The following GNAO1 variants were observed in gnomAD, a reference collection of about 807,000 sequenced individuals.
The protein encoded by GNAO1 is G protein subunit alpha o1.
For missense variants in GNAO1, 166 were observed against 478.7 expected, an observed-to-expected ratio of 0.35 and a Z score of 6.10; for synonymous variants, 164 against 180.7, an observed-to-expected ratio of 0.91 and a Z score of 0.74.
At chr16:56,285,736 A>G (rs1381663439) in intron 3 of GNAO1, among the ~76,000 whole-genome samples, 1 of 152,202 alleles carries the variant, frequency 6.6e-6, no homozygotes, top group Non-Finnish European at 1.5e-5. Context: ...GTGCTCCCTA[A>G]AAAGACAATT....
At chr16:56,290,401 T>C (rs1365935056) in intron 3 of GNAO1, among the ~76,000 whole-genome samples, 1 of 152,220 alleles carries the variant, frequency 6.6e-6, no homozygotes, top group East Asian at 1.9e-4. Flanking sequence ...GTGGGTGCTC[T>C]ATTGAAGTCT....
chr16:56,216,552 A>G (rs1275761448), intron 2 of GNAO1, among the ~76,000 whole-genome samples: 1 of 152,202 alleles, frequency 6.6e-6, no homozygotes, highest in Non-Finnish European at 1.5e-5. Context: ...GCCATTGTGA[A>G]TCATTAAGTG....
At chr16:56,243,228 G>A (rs746280977) in intron 2 of GNAO1, among the ~76,000 whole-genome samples, 2 of 152,030 alleles carry the variant, frequency 1.3e-5, no homozygotes, top group Non-Finnish European at 2.9e-5. Flanking sequence ...TAGAAATAAA[G>A]TACACAATAA....
intron 2 of GNAO1, among the ~76,000 whole-genome samples, chr16:56,247,213 C>G (rs557232290): frequency 6.6e-6 from 1 of 152,226 alleles, no homozygotes; most frequent in African/African-American, 2.4e-5. Flanking sequence ...AACAGAACTG[C>G]GCTAGCCTGT....
intron 2 of GNAO1, among the ~76,000 whole-genome samples, chr16:56,217,631 G>GT (rs2036447762): frequency 6.6e-6 from 1 of 152,170 alleles, no homozygotes; most frequent in African/African-American, 2.4e-5. Context: ...GGGCTGGTGA[G>GT]TGACAGGTGT....
intron 2 of GNAO1, among the ~76,000 whole-genome samples, chr16:56,268,017 C>G (rs2036974957): frequency 6.6e-6 from 1 of 152,140 alleles, no homozygotes; most frequent in Non-Finnish European, 1.5e-5. Flanking sequence ...CCATCACCTC[C>G]CCTCTCCCAG....
chr16:56,347,122 T>G, intron 6 of GNAO1: 1 of 985,458 alleles, frequency 1.0e-6, no homozygotes, highest in Non-Finnish European at 1.2e-6. Flanking sequence ...TAATGAGCAC[T>G]CGGACTGTTT....
chr16:56,296,048 T>C lies in GNAO1; in HGVS notation c.303+19976T>C, dbSNP rs371493285. ...TGGCCTTTGGCAGGACCCATTCCTT[T>C]GATACGTGATCAGAAAATTCAATTA... On this transcript the variant is annotated intron_variant, in intron 3 of 8. Coordinates refer to ENST00000262493, the MANE Select transcript of GNAO1 (RefSeq NM_020988.3). 1.4e-3 allele frequency among the ~76,000 whole-genome samples: 214 copies of C among 152,356 alleles called. 4 individuals are homozygous for C. The South Asian group carries it at 0.043, about 31-fold the overall frequency.
In GNAO1 at chr16:56,208,445, GT is replaced by G. The variant is rs1596797009; in HGVS notation, c.161+15830del. On this transcript the variant is annotated intron_variant, in intron 2 of 8. Coordinates refer to ENST00000262493, the MANE Select transcript of GNAO1 (RefSeq NM_020988.3). ...TGTGTGTGTGTGTGTGTGTGTGTGT[GT>G]GTGCGCGCGCGCGCACGTGTGTGTG... is the stretch of plus-strand genomic sequence containing the variant. Among the ~76,000 whole-genome samples, 16 of 105,528 alleles carry G rather than the reference GT, an allele frequency of 1.5e-4. No individual in the cohort carries two copies. In the East Asian group the frequency reaches 5.9e-3, roughly 39 times the overall value. 69.2% of individuals were successfully genotyped at this position (105,528 alleles called of 152,430 possible).
intron 2 of GNAO1, among the ~76,000 whole-genome samples, chr16:56,265,638 C>T (rs2036944134): frequency 6.6e-6 from 1 of 151,980 alleles, no homozygotes; most frequent in Non-Finnish European, 1.5e-5. Flanking sequence ...GCTGTGTGGG[C>T]TATAATCTAT....
rs971316764 is a variant in GNAO1 at position 56,356,089 on chromosome 16, C to T, written c.*29-14C>T. On this transcript the variant is annotated splice_polypyrimidine_tract_variant and intron_variant, in intron 8 of 8. Coordinates refer to ENST00000262493, the MANE Select transcript of GNAO1 (RefSeq NM_020988.3). ...AAAATGGTCAGACTGGACCCCTTAT[C>T]TCTCTCTCTACAGACTGCTTCACGG... The T allele has an allele frequency of 6.6e-6, 1 of 152,666 alleles. No homozygotes were observed. Among genetic ancestry groups the T allele is most frequent in the African/African-American group, 2.4e-5 (1 of 41,446 alleles). 9.5% of individuals were successfully genotyped at this position (152,666 alleles called of 1,614,324 possible).
rs932326065 is a variant in GNAO1 at position 56,312,478 on chromosome 16, T to C, written c.304-16153T>C. Among the ~76,000 whole-genome samples, 33 of 152,198 alleles carry C rather than the reference T, an allele frequency of 2.2e-4. 1 individual carries two copies. Among genetic ancestry groups the C allele is most frequent in the Admixed American group, 1.8e-3 (28 of 15,282 alleles). On this transcript the variant is annotated intron_variant, in intron 3 of 8. Transcript: ENST00000262493. ...GAGTCCCAAGGCTCACAGCAAACACTGAGGCGGCCACAGCCTGGGCTTGCT... is the reference window on the plus strand; with the variant it reads ...GAGTCCCAAGGCTCACAGCAAACACCGAGGCGGCCACAGCCTGGGCTTGCT...
At chr16:56,243,894 C>T (rs1258980126) in intron 2 of GNAO1, among the ~76,000 whole-genome samples, 1 of 152,118 alleles carries the variant, frequency 6.6e-6, no homozygotes, top group East Asian at 1.9e-4. Flanking sequence ...TTGCGGTCAC[C>T]CAGTGAGGTA....
At chr16:56,303,180 C>T (rs1223414930) in intron 3 of GNAO1, among the ~76,000 whole-genome samples, 1 of 152,174 alleles carries the variant, frequency 6.6e-6, no homozygotes, top group African/African-American at 2.4e-5. Flanking sequence ...ATGATTTCAC[C>T]ACTGCCTTTT....
chr16:56,218,771 T>G (rs1429283625), intron 2 of GNAO1, among the ~76,000 whole-genome samples: 1 of 152,172 alleles, frequency 6.6e-6, no homozygotes, highest in Non-Finnish European at 1.5e-5. Flanking sequence ...TGTGCCCTAT[T>G]CCTGGAGGCA....
chr16:56,205,419 T>G (rs556456195), intron 2 of GNAO1, among the ~76,000 whole-genome samples: 1 of 152,224 alleles, frequency 6.6e-6, no homozygotes, highest in African/African-American at 2.4e-5. Flanking sequence ...AGGGCACCAG[T>G]GGGCAAGGGC....
intron 2 of GNAO1, among the ~76,000 whole-genome samples, chr16:56,249,038 G>A (rs1303628577): frequency 6.6e-6 from 1 of 152,188 alleles, no homozygotes; most frequent in Admixed American, 6.5e-5. Flanking sequence ...AGAGACATGG[G>A]GCTGTCCACA....
intron 2 of GNAO1, chr16:56,235,127 A>G: frequency 2.8e-6 from 1 of 353,816 alleles, no homozygotes; most frequent in Non-Finnish European, 5.6e-6. Context: ...GTGCAGTTCG[A>G]AGAGGAGGAA....
chr16:56,287,424 G>A (rs1452718579), intron 3 of GNAO1, among the ~76,000 whole-genome samples: 1 of 152,202 alleles, frequency 6.6e-6, no homozygotes, highest in Non-Finnish European at 1.5e-5. Context: ...CTGACCCTCA[G>A]GTTCCTCATC....
Sources: gnomAD v4.1 joint callset for allele counts (sites outside exome capture counted in the v4.1 genomes callset) on GRCh38, gnomAD v4.1.1 for gene constraint, MANE v1.5 for transcripts, NCBI Gene and HGNC (gene_info 2026-07-23, HGNC 2026-07-21) for gene names.